PRLR: variants seen among roughly 807,000 people sequenced by gnomAD.
PRLR encodes the protein hPRL receptor.
Under a neutral mutation model 40.2 loss-of-function variants are expected in PRLR, and 13 were observed. The observed-to-expected ratio is 0.32, with a 90% CI of 0.21 to 0.51. The LOEUF (loss-of-function observed/expected upper bound fraction) is 0.51. Among genes scored for constraint, PRLR ranks in the 20% least tolerant of loss-of-function variants. PRLR has a pLI of 0.97. For synonymous variants in PRLR, 269 were observed against 278.7 expected, an observed-to-expected ratio of 0.97 and a Z score of 0.35; for missense variants, 656 against 747.3, an observed-to-expected ratio of 0.88 and a Z score of 1.42.
chr5:35,212,846 G>C (rs1192214707), intron 1 of PRLR, among the ~76,000 whole-genome samples: 2 of 152,144 alleles, frequency 1.3e-5, no homozygotes, highest in East Asian at 3.9e-4. Flanking sequence ...TTCAAGTACA[G>C]GGCTCTGGCT....
chr5:35,082,812 T>C (rs996219994), intron 5 of PRLR, among the ~76,000 whole-genome samples: 1 of 152,200 alleles, frequency 6.6e-6, no homozygotes, highest in African/African-American at 2.4e-5. Flanking sequence ...TGCAGGGTTA[T>C]AGGAGAGTTC....
chr5:35,185,256 T>C (rs1775396591), intron 1 of PRLR, among the ~76,000 whole-genome samples: 1 of 152,216 alleles, frequency 6.6e-6, no homozygotes. Flanking sequence ...ATGTAGCCAG[T>C]AGATCAAGTC....
intron 2 of PRLR, among the ~76,000 whole-genome samples, chr5:35,102,075 G>A (rs868499941): frequency 8.6e-5 from 13 of 151,982 alleles, no homozygotes; most frequent in South Asian, 2.1e-4. Context: ...TGATCTACCC[G>A]CCTCGGCCTC....
chr5:35,195,758 A>G (rs1375773366), intron 1 of PRLR: 3 of 152,228 alleles, frequency 2.0e-5, no homozygotes, highest in Non-Finnish European at 4.4e-5. Flanking sequence ...TCTGCATATT[A>G]AAGTACAGAG....
rs550996596 is a variant in PRLR at position 35,162,092 on chromosome 5, A to T, written c.-105-43970T>A. ...GCCGCTTTTCCAATGAGTCCTGTGC[A>T]TCAAGAAAAATCCTGGGCATTAAAT... On this transcript the variant is annotated intron_variant, in intron 1 of 9. Transcript: ENST00000618457. Among the ~76,000 whole-genome samples the T allele has an allele frequency of 2.6e-5, 4 of 152,336 alleles. No individual in the cohort carries two copies. In the East Asian group the frequency reaches 7.7e-4, roughly 29 times the overall value.
intron 1 of PRLR, among the ~76,000 whole-genome samples, chr5:35,215,172 T>C (rs1776255770): frequency 6.6e-6 from 1 of 152,240 alleles, no homozygotes; most frequent in African/African-American, 2.4e-5. Flanking sequence ...GGCTGTCATG[T>C]GGTAAGCAGT....
At position 35,065,983 on chromosome 5, in the gene PRLR, T is replaced by C; in HGVS notation, c.975A>G (p.Leu325=). Residue 325 remains leucine (L), a synonymous_variant, in exon 10 of 10, where the codon CTA becomes CTG. Coordinates refer to ENST00000618457, the MANE Select transcript of PRLR (RefSeq NM_000949.7). ...GGTGTTCTTTTGAATGGACTGACAT[T>C]AGATGCTGGTCCTCACTATCATCTA... is the stretch of plus-strand genomic sequence containing the variant. The part of the protein sequence containing the change: ...LEVDDSEDQH[L]MSVHSKEHPS... 1 of 1,614,188 alleles carries C rather than the reference T, an allele frequency of 6.2e-7. No individual in the cohort carries two copies.
intron 1 of PRLR, among the ~76,000 whole-genome samples, chr5:35,163,540 G>T (rs1774737184): frequency 6.6e-6 from 1 of 152,368 alleles, no homozygotes; most frequent in East Asian, 1.9e-4. Context: ...AGTGGAAGGA[G>T]TGAGGACAGT....
intron 1 of PRLR, among the ~76,000 whole-genome samples, chr5:35,194,622 A>T (rs1775687723): frequency 6.6e-6 from 1 of 152,216 alleles, no homozygotes; most frequent in African/African-American, 2.4e-5. Flanking sequence ...CCCTGGAAAA[A>T]CATGGAGGAA....
chr5:35,077,196 C>A (rs1407519522), intron 5 of PRLR, among the ~76,000 whole-genome samples: 1 of 152,108 alleles, frequency 6.6e-6, no homozygotes, highest in East Asian at 1.9e-4. Context: ...CACAAAACAA[C>A]ATTAATCTTA....
At chr5:35,183,611 T>C (rs1775348740) in intron 1 of PRLR, among the ~76,000 whole-genome samples, 1 of 152,174 alleles carries the variant, frequency 6.6e-6, no homozygotes, top group African/African-American at 2.4e-5. Flanking sequence ...AAGCCAGTGG[T>C]CTTCAGGACA....
chr5:35,125,833 T>A (rs1381856053), intron 1 of PRLR, among the ~76,000 whole-genome samples: 1 of 152,202 alleles, frequency 6.6e-6, no homozygotes, highest in East Asian at 1.9e-4. Context: ...GAGAGGGGAA[T>A]GTTAGCAGGC....
Position 35,057,410 on chromosome 5 carries a change from A to T in PRLR, c.*7679T>A, listed in dbSNP as rs1768785629. On this transcript the variant is annotated 3_prime_UTR_variant, in exon 10 of 10. Transcript: ENST00000618457. ...TAAAAAAATAGAGCAAGAGTAGGTA[A>T]GGGAATTAAACATTTATTAAGCCAG... is the stretch of plus-strand genomic sequence containing the variant. The T allele has an allele frequency of 1.3e-5, 2 of 152,214 alleles. No homozygotes were observed. The highest frequency in any genetic ancestry group is 4.8e-5 in the African/African-American group (2 of 41,466). The allele number at this position is 152,214 out of a possible 1,614,324, so 9.4% of individuals were successfully genotyped here.
At chr5:35,069,090 C>G (rs1769585635) in intron 7 of PRLR, among the ~76,000 whole-genome samples, 1 of 152,036 alleles carries the variant, frequency 6.6e-6, no homozygotes, top group Non-Finnish European at 1.5e-5. Flanking sequence ...TTATAGTACT[C>G]TAAAAATTTA....
At chr5:35,109,765 G>A (rs1261187078) in intron 2 of PRLR, among the ~76,000 whole-genome samples, 1 of 152,170 alleles carries the variant, frequency 6.6e-6, no homozygotes, top group Non-Finnish European at 1.5e-5. Flanking sequence ...TTACACTATT[G>A]GTGGGACTGT....
intron 7 of PRLR, 38 bp from the exon 8 acceptor site, chr5:35,068,916 A>C: frequency 6.8e-7 from 1 of 1,467,198 alleles, no homozygotes. Flanking sequence ...GATCACGTAC[A>C]GCATCATTAA....
chr5:35,074,721 A>G (rs1769963870), intron 5 of PRLR, among the ~76,000 whole-genome samples: 1 of 152,014 alleles, frequency 6.6e-6, no homozygotes, highest in Admixed American at 6.5e-5. Flanking sequence ...CATACTATAA[A>G]ATAGTTGAAA....
At chr5:35,123,651 C>G (rs1457674456) in intron 1 of PRLR, among the ~76,000 whole-genome samples, 1 of 152,146 alleles carries the variant, frequency 6.6e-6, no homozygotes, top group African/African-American at 2.4e-5. Flanking sequence ...TCTAACTGGT[C>G]CCGTGGTCCT....
intron 1 of PRLR, among the ~76,000 whole-genome samples, chr5:35,186,305 G>C (rs1775429781): frequency 6.6e-6 from 1 of 151,890 alleles, no homozygotes; most frequent in Non-Finnish European, 1.5e-5. Flanking sequence ...AGTTACATTT[G>C]TAGCTTACAT....
Sources: gnomAD v4.1 joint callset for allele counts (sites outside exome capture counted in the v4.1 genomes callset) on GRCh38, gnomAD v4.1.1 for gene constraint, MANE v1.5 for transcripts, NCBI Gene and HGNC (gene_info 2026-07-23, HGNC 2026-07-21) for gene names.